JMJD1C: variants seen among roughly 807,000 people sequenced by gnomAD.
JMJD1C encodes the protein jumonji domain containing 1C.
A neutral mutation model predicts 245.3 loss-of-function variants in JMJD1C; 31 were observed. The ratio of observed to expected loss-of-function variants is 0.13; its 90% CI spans 0.09 to 0.17. The LOEUF is 0.17. Ranked by LOEUF, JMJD1C falls within the 10% of genes least tolerant of loss-of-function variation. JMJD1C has a pLI of 1.00. For missense variants in JMJD1C, 2,691 were observed against 3,000.2 expected (o/e 0.90, Z 2.41); for synonymous variants, 1,057 against 1,017.4 (o/e 1.04, Z -0.74).
chr10:63,475,846 G>A (rs1953644071), intron 1 of JMJD1C, among the ~76,000 whole-genome samples: 1 of 152,176 alleles, frequency 6.6e-6, no homozygotes, highest in Non-Finnish European at 1.5e-5. Flanking sequence ...TAAACATGAA[G>A]TAAAAACATT....
intron 13 of JMJD1C, 29 bp downstream of exon 13, chr10:63,197,382 C>A (rs1427497515): frequency 1.3e-6 from 2 of 1,575,732 alleles, no homozygotes; most frequent in South Asian, 2.4e-5. Context: ...TTATAAAAAA[C>A]TTCAATTTAT....
At chr10:63,444,405 C>T (rs1258622731) in intron 1 of JMJD1C, among the ~76,000 whole-genome samples, 1 of 151,934 alleles carries the variant, frequency 6.6e-6, no homozygotes, top group African/African-American at 2.4e-5. Context: ...TCCCGAGTAG[C>T]TAGGATTACA....
rs193296285 is a variant in JMJD1C at position 63,182,902 on chromosome 10, C to A, written c.7084+545G>T. ...TTGAGATGGAGTTTTGCTCTTGTTG[C>A]CCAGGCTGGAGTGCAATGGCACTAT... On this transcript the variant is annotated intron_variant, in intron 22 of 25. Transcript: ENST00000399262. Among the ~76,000 whole-genome samples, 958 of 152,140 alleles carry A rather than the reference C, an allele frequency of 6.3e-3. 25 individuals are homozygous for A. Among genetic ancestry groups the A allele is most frequent in the Admixed American group, 0.045 (690 of 15,276 alleles).
chr10:63,394,181 C>T (rs1196242114), intron 1 of JMJD1C, among the ~76,000 whole-genome samples: 2 of 125,432 alleles, frequency 1.6e-5, no homozygotes, highest in African/African-American at 6.1e-5. Context: ...AGTGAGACTC[C>T]GTCTCCAAAA....
chr10:63,481,107 T>C lies in JMJD1C; in HGVS notation n.113+40631A>G, dbSNP rs539333576. Among the ~76,000 whole-genome samples the C allele has an allele frequency of 9.4e-4, 143 of 152,348 alleles. 1 individual carries two copies. Among genetic ancestry groups the C allele is most frequent in the Admixed American group, 2.2e-3 (33 of 15,304 alleles). ...CTCAAATGTTTTTACTAAATTCAAC[T>C]TCTACCTGCTGAGAAACTATAAGTA... On this transcript the variant is annotated intron_variant and non_coding_transcript_variant, in intron 1 of 3. Coordinates refer to the JMJD1C transcript ENST00000633035.
intron 2 of JMJD1C, among the ~76,000 whole-genome samples, chr10:63,361,733 A>AAG (rs1421114440): frequency 6.7e-6 from 1 of 149,562 alleles, no homozygotes; most frequent in African/African-American, 2.4e-5. Flanking sequence ...AAAAAAAAAA[A>AAG]AAAAAAAAAA....
intron 2 of JMJD1C, among the ~76,000 whole-genome samples, chr10:63,304,968 A>C (rs971986217): frequency 2.6e-5 from 4 of 152,066 alleles, no homozygotes; most frequent in Non-Finnish European, 5.9e-5. Flanking sequence ...CCCCATCTCT[A>C]CCAAAAAAGT....
At chr10:63,382,326 G>A (rs909884873) in intron 1 of JMJD1C, among the ~76,000 whole-genome samples, 2 of 152,134 alleles carry the variant, frequency 1.3e-5, no homozygotes, top group African/African-American at 4.8e-5. Context: ...CAGACAATAT[G>A]TAAACAATTG....
intron 3 of JMJD1C, among the ~76,000 whole-genome samples, chr10:63,230,490 G>A (rs564137105): frequency 6.6e-6 from 1 of 152,212 alleles, no homozygotes; most frequent in South Asian, 2.1e-4. Flanking sequence ...TGTATAATAT[G>A]CAGAAGGCTC....
intron 3 of JMJD1C, among the ~76,000 whole-genome samples, chr10:63,226,189 G>A (rs917245134): frequency 2.0e-5 from 3 of 152,216 alleles, no homozygotes; most frequent in Non-Finnish European, 2.9e-5. Context: ...CACTGGTTAT[G>A]TGACATTCCA....
chr10:63,198,115 T>C (rs1845653349), intron 12 of JMJD1C, among the ~76,000 whole-genome samples: 1 of 152,242 alleles, frequency 6.6e-6, no homozygotes, highest in Admixed American at 6.5e-5. Context: ...TTATCTTTCC[T>C]ATTTTCCAGA....
intron 2 of JMJD1C, among the ~76,000 whole-genome samples, chr10:63,329,565 C>A (rs1316329701): frequency 6.6e-6 from 1 of 150,662 alleles, no homozygotes; most frequent in Non-Finnish European, 1.5e-5. Context: ...AAAATCTTGT[C>A]AGCAACAATA....
chr10:63,490,689 C>G (rs1161781500), intron 1 of JMJD1C, among the ~76,000 whole-genome samples: 1 of 152,192 alleles, frequency 6.6e-6, no homozygotes, highest in Non-Finnish European at 1.5e-5. Context: ...GCTGGGATTA[C>G]AGGCGTGAGC....
At chr10:63,183,617 A>G in intron 21 of JMJD1C, 48 bp from the exon 22 acceptor site, 1 of 1,131,396 alleles carries the variant, frequency 8.8e-7, no homozygotes, top group Non-Finnish European at 1.2e-6. Context: ...ATATATATGT[A>G]ATAGCATAAT....
At chr10:63,328,479 CATT>C (rs1454116119) in intron 2 of JMJD1C, among the ~76,000 whole-genome samples, 1 of 152,102 alleles carries the variant, frequency 6.6e-6, no homozygotes, top group African/African-American at 2.4e-5. Flanking sequence ...AGGTGAATAA[CATT>C]ATATTTATAG....
At chr10:63,317,698 G>A (rs191803128) in intron 2 of JMJD1C, among the ~76,000 whole-genome samples, 80 of 152,222 alleles carry the variant, frequency 5.3e-4, no homozygotes, top group African/African-American at 1.9e-3. Context: ...TCCAACACCA[G>A]AATGCCAATG....
At chr10:63,491,273 T>C (rs1954167720) in intron 1 of JMJD1C, among the ~76,000 whole-genome samples, 1 of 152,222 alleles carries the variant, frequency 6.6e-6, no homozygotes. Flanking sequence ...CCCCCAGTTA[T>C]TCTTAACTAC....
chr10:63,379,954 G>A (rs981651481), intron 2 of JMJD1C, among the ~76,000 whole-genome samples: 1 of 120,632 alleles, frequency 8.3e-6, no homozygotes, highest in African/African-American at 3.1e-5. Flanking sequence ...TTTTTTTTTT[G>A]TTAAGAGATG....
chr10:63,295,670 T>C (rs949586281), intron 2 of JMJD1C, among the ~76,000 whole-genome samples: 1 of 152,090 alleles, frequency 6.6e-6, no homozygotes, highest in Non-Finnish European at 1.5e-5. Context: ...TTCAACAGTT[T>C]AGTCAAGAAA....
Sources: allele counts gnomAD v4.1 joint callset (sites outside exome capture counted in the v4.1 genomes callset), GRCh38; gene constraint gnomAD v4.1.1; transcripts MANE v1.5; gene names NCBI Gene and HGNC (gene_info 2026-07-23, HGNC 2026-07-21).